Variants in CAPSL observed in about 807,000 individuals in gnomAD.
The protein encoded by CAPSL is calcyphosine like.
Under a neutral mutation model 21.3 loss-of-function variants are expected in CAPSL, and 17 were observed. That is an observed-to-expected ratio of 0.80 (90% CI 0.55 to 1.20). The LOEUF is 1.20. CAPSL is among the 50% of genes most tolerant of loss of function. CAPSL has a pLI of 0.00. For missense variants in CAPSL, 289 were observed against 259.3 expected (o/e 1.11, Z -0.79); for synonymous variants, 102 against 89.3 (o/e 1.14, Z -0.80).
chr5:35,924,759 G>A (rs905020074), intron 1 of CAPSL, among the ~76,000 whole-genome samples: 4 of 152,170 alleles, frequency 2.6e-5, no homozygotes, highest in Non-Finnish European at 4.4e-5. Context: ...ATAGCCTAGA[G>A]TCTTCATTAG....
intron 2 of CAPSL, among the ~76,000 whole-genome samples, chr5:35,919,295 G>C (rs1233491918): frequency 6.6e-6 from 1 of 151,720 alleles, no homozygotes; most frequent in African/African-American, 2.4e-5. Flanking sequence ...CAAGTTGTCT[G>C]ATAAATTAAG....
intron 1 of CAPSL, among the ~76,000 whole-genome samples, chr5:35,922,482 G>A (rs1167230208): frequency 6.6e-6 from 1 of 151,988 alleles, no homozygotes; most frequent in African/African-American, 2.4e-5. Flanking sequence ...CTTGAACCTC[G>A]GGTCAAGAAG....
rs1738192423 is a variant in CAPSL, at chr5:35,910,549, G to GA, written c.138-7dup. The GA allele has an allele frequency of 6.4e-7, 1 of 1,570,464 alleles. No homozygotes were observed. Among genetic ancestry groups the GA allele is most frequent in the Admixed American group, 1.8e-5 (1 of 56,410 alleles). ...CATCCATAATTCTAAACACTCTGAA[G>GA]AAAATACACACAAAAATTCAGAAGA... On this transcript the variant is annotated splice_region_variant and splice_polypyrimidine_tract_variant and intron_variant, in intron 2 of 4. Coordinates refer to ENST00000651391, the MANE Select transcript of CAPSL (RefSeq NM_001042625.2).
In CAPSL at chr5:35,938,565, A is replaced by G. The variant is rs189841399; in HGVS notation, c.-25T>C. 1 of 153,122 alleles carries G rather than the reference A, an allele frequency of 6.5e-6. No homozygotes were observed. The highest frequency in any genetic ancestry group is 1.5e-5 in the Non-Finnish European group (1 of 68,016). The allele number at this position is 153,122 out of a possible 1,614,324, so 9.5% of individuals were successfully genotyped here. On this transcript the variant is annotated 5_prime_UTR_variant, in exon 1 of 5. Transcript: ENST00000651391. The stretch of plus-strand genomic sequence containing the variant: ...CCTTAAATGCTAACCTTTTGCCACC[A>G]GTTGCTTCGAACTGAAACTATGGAC...
chr5:35,904,691 C>T, intron 4 of CAPSL, 45 bp from the exon 5 acceptor site: 1 of 1,608,986 alleles, frequency 6.2e-7, no homozygotes, highest in Non-Finnish European at 8.5e-7. Flanking sequence ...TTGCTTCTCA[C>T]TCTGTCAATG....
intron 2 of CAPSL, among the ~76,000 whole-genome samples, chr5:35,920,014 C>T (rs2149925002): frequency 6.6e-6 from 1 of 152,242 alleles, no homozygotes; most frequent in African/African-American, 2.4e-5. Flanking sequence ...ATATTGAGGG[C>T]ATGGGTGCTG....
chr5:35,928,499 C>T (rs186181935), intron 1 of CAPSL, among the ~76,000 whole-genome samples: 2 of 152,244 alleles, frequency 1.3e-5, no homozygotes, highest in South Asian at 2.1e-4. Context: ...AGTTACTTCA[C>T]GGAGCCCATT....
At chr5:35,934,482 C>T (rs1338185108) in intron 1 of CAPSL, among the ~76,000 whole-genome samples, 3 of 152,244 alleles carry the variant, frequency 2.0e-5, no homozygotes, top group Non-Finnish European at 4.4e-5. Flanking sequence ...CCTCCATAAA[C>T]TGTGTTAACC....
At chr5:35,917,499 A>T (rs1201190916) in intron 2 of CAPSL, among the ~76,000 whole-genome samples, 3 of 152,220 alleles carry the variant, frequency 2.0e-5, no homozygotes, top group African/African-American at 7.2e-5. Flanking sequence ...GGATTAAGAA[A>T]ATGTGGCACA....
intron 1 of CAPSL, among the ~76,000 whole-genome samples, chr5:35,930,058 T>C (rs967615046): frequency 6.6e-6 from 1 of 152,242 alleles, no homozygotes; most frequent in Admixed American, 6.5e-5. Flanking sequence ...TTCTAAAATG[T>C]ATGAATATAT....
intron 1 of CAPSL, among the ~76,000 whole-genome samples, chr5:35,923,652 A>C (rs996246467): frequency 4.7e-5 from 7 of 149,960 alleles, no homozygotes; most frequent in African/African-American, 1.7e-4. Flanking sequence ...CAGACACAAA[A>C]TGTCACACAT....
chr5:35,908,359 T>C (rs1264251445), intron 4 of CAPSL, among the ~76,000 whole-genome samples: 2 of 152,220 alleles, frequency 1.3e-5, no homozygotes, highest in African/African-American at 4.8e-5. Flanking sequence ...TGACATCAAG[T>C]GCTATAACTG....
intron 1 of CAPSL, among the ~76,000 whole-genome samples, chr5:35,925,339 C>T (rs1398865776): frequency 6.6e-6 from 1 of 152,150 alleles, no homozygotes; most frequent in Non-Finnish European, 1.5e-5. Flanking sequence ...AACTTTCATC[C>T]TAATGGAAGG....
chr5:35,929,824 A>G (rs969577057), intron 1 of CAPSL, among the ~76,000 whole-genome samples: 2 of 152,092 alleles, frequency 1.3e-5, no homozygotes, highest in East Asian at 1.9e-4. Flanking sequence ...CCCTTCTCCC[A>G]TCTTAGGTCC....
chr5:35,931,683 CAG>C (rs563054069), intron 1 of CAPSL, among the ~76,000 whole-genome samples: 2 of 152,196 alleles, frequency 1.3e-5, no homozygotes, highest in South Asian at 4.2e-4. Context: ...CTTAAAGAAA[CAG>C]AGTAAGAAGC....
At chr5:35,916,620 T>C (rs1025121190) in intron 2 of CAPSL, among the ~76,000 whole-genome samples, 2 of 152,226 alleles carry the variant, frequency 1.3e-5, no homozygotes, top group African/African-American at 4.8e-5. Flanking sequence ...GGGAAAGGAT[T>C]GCCTATTTAA....
chr5:35,919,405 C>T (rs6872175), intron 2 of CAPSL, among the ~76,000 whole-genome samples: 4,370 of 152,066 alleles, frequency 0.029, 232 homozygotes, highest in African/African-American at 0.1. Context: ...CTGTTGAAAA[C>T]CACAAGAATT....
At chr5:35,920,943 C>T (rs1428730713) in intron 2 of CAPSL, 41 bp downstream of exon 2, 1 of 1,599,938 alleles carries the variant, frequency 6.3e-7, no homozygotes, top group East Asian at 2.2e-5. Context: ...CAGAGTCATT[C>T]CTTCCCGCTC....
At chr5:35,928,916 T>G (rs764475775) in intron 1 of CAPSL, among the ~76,000 whole-genome samples, 19 of 152,174 alleles carry the variant, frequency 1.2e-4, no homozygotes, top group Non-Finnish European at 2.6e-4. Context: ...ACTCTCTTGG[T>G]GTAGATGCTG....
Sources: allele counts gnomAD v4.1 joint callset (sites outside exome capture counted in the v4.1 genomes callset), GRCh38; gene constraint gnomAD v4.1.1; transcripts MANE v1.5; gene names NCBI Gene and HGNC (gene_info 2026-07-23, HGNC 2026-07-21).